DDR2: variants seen among roughly 807,000 people sequenced by gnomAD.
The protein encoded by DDR2 is discoidin domain-containing receptor 2.
In DDR2, 27 loss-of-function variants were observed where a neutral mutation model predicts 94.9. The observed-to-expected ratio is 0.28, with a 90% CI of 0.21 to 0.39. The LOEUF is 0.39. Among genes scored for constraint, DDR2 ranks in the 10% least tolerant of loss-of-function variants. The pLI, the probability that DDR2 is intolerant of heterozygous loss-of-function variation, is 1.00. For synonymous variants in DDR2, 382 were observed against 377.2 expected (o/e 1.01, Z -0.15); for missense variants, 783 against 1,076.0 (o/e 0.73, Z 3.81).
intron 2 of DDR2, among the ~76,000 whole-genome samples, chr1:162,664,083 G>A (rs1658431027): frequency 6.6e-6 from 1 of 152,072 alleles, no homozygotes; most frequent in Non-Finnish European, 1.5e-5. Context: ...ATAGGAGAAA[G>A]CAACAGTGCA....
At chr1:162,631,982 G>A (rs1436568284), upstream of DDR2, 2 of 152,022 alleles carry the variant, frequency 1.3e-5, no homozygotes, top group Non-Finnish European at 2.9e-5. Context: ...CTCAGCTCTA[G>A]GCTTTCATGG....
chr1:162,638,712 A>G (rs888289488), intron 1 of DDR2, among the ~76,000 whole-genome samples: 7 of 152,086 alleles, frequency 4.6e-5, no homozygotes, highest in African/African-American at 1.4e-4. Context: ...TTCAGGATGA[A>G]CCCTCTTGAG....
chr1:162,679,793 A>G (rs1659315523), intron 2 of DDR2, among the ~76,000 whole-genome samples: 1 of 151,748 alleles, frequency 6.6e-6, no homozygotes, highest in South Asian at 2.1e-4. Flanking sequence ...CCTTGCCAAC[A>G]TCTGTTTTGT....
chr1:162,736,255 G>C (rs1482053655), intron 3 of DDR2, among the ~76,000 whole-genome samples: 1 of 152,184 alleles, frequency 6.6e-6, no homozygotes, highest in Non-Finnish European at 1.5e-5. Context: ...TTGGTCCATG[G>C]ACTGGCTTTG....
At chr1:162,695,460 A>G (rs1660146158) in intron 2 of DDR2, among the ~76,000 whole-genome samples, 1 of 152,062 alleles carries the variant, frequency 6.6e-6, no homozygotes, top group Non-Finnish European at 1.5e-5. Context: ...CAAACTTCTG[A>G]GCTCAAGTTA....
At chr1:162,691,515 T>C (rs1420849540) in intron 2 of DDR2, among the ~76,000 whole-genome samples, 1 of 152,278 alleles carries the variant, frequency 6.6e-6, no homozygotes, top group East Asian at 1.9e-4. Flanking sequence ...TGTGAAAAAA[T>C]GCAATTTAAT....
chr1:162,747,500 T>A (rs1662941067), intron 3 of DDR2, among the ~76,000 whole-genome samples: 1 of 151,942 alleles, frequency 6.6e-6, no homozygotes, highest in African/African-American at 2.4e-5. Flanking sequence ...TGAGACTGTG[T>A]GAAAAGATCA....
intron 2 of DDR2, among the ~76,000 whole-genome samples, chr1:162,690,259 C>A (rs1659906570): frequency 1.3e-5 from 2 of 152,108 alleles, no homozygotes; most frequent in Non-Finnish European, 2.9e-5. Context: ...AGTCACAAAG[C>A]TAGCAGGTGG....
chr1:162,778,479 C>CT, intron 16 of DDR2, 101 bp from the exon 17 acceptor site: 1 of 1,434,772 alleles, frequency 7.0e-7, no homozygotes, highest in Non-Finnish European at 9.8e-7. Flanking sequence ...AATTCCTTGC[C>CT]TGTGGTGGGG....
chr1:162,762,513 T>A (rs1023724981), intron 9 of DDR2, among the ~76,000 whole-genome samples: 1 of 152,240 alleles, frequency 6.6e-6, no homozygotes, highest in East Asian at 1.9e-4. Flanking sequence ...ATAACCACTG[T>A]CTGAATTATT....
In DDR2 at chr1:162,761,331, G is replaced by A. The variant is rs2102155545; in HGVS notation, c.976G>A (p.Asp326Asn). 2 of 1,614,188 alleles carry A rather than the reference G, an allele frequency of 1.2e-6. No individual in the cohort carries two copies. The highest frequency in any genetic ancestry group is 8.5e-7 in the Non-Finnish European group (1 of 1,180,030). ...CATTTCCTTCCCCCTTGTCCTGGATGACGTCAACCCCAGTGCTCGGTTTGT... is the reference window on the plus strand; with the variant it reads ...CATTTCCTTCCCCCTTGTCCTGGATAACGTCAACCCCAGTGCTCGGTTTGT... Reference protein sequence around the residue: ...NAISFPLVLDDVNPSARFVTV... With the variant: ...NAISFPLVLDNVNPSARFVTV... The change falls in exon 9 of 18, where the codon GAC becomes AAC. Residue 326 changes from aspartate (D) to asparagine (N), a missense_variant. Coordinates refer to ENST00000367921, the MANE Select transcript of DDR2 (RefSeq NM_006182.4).
Position 162,784,658 on chromosome 1 carries a change from TG to T in DDR2, c.*4414del, listed in dbSNP as rs2102219231. On this transcript the variant is annotated 3_prime_UTR_variant, in exon 18 of 18. Coordinates refer to ENST00000367921, the MANE Select transcript of DDR2 (RefSeq NM_006182.4). ...TTCTGCTACAATTAGCTGCATTACT[TG>T]GTGCCAAAGAGCAGTGGGGAATTGT... 6.6e-6 allele frequency: 1 copy of T among 152,330 alleles called. No individual in the cohort carries two copies. The highest frequency in any genetic ancestry group is 1.9e-4 in the East Asian group (1 of 5,186). 9.4% of individuals were successfully genotyped at this position (152,330 alleles called of 1,614,324 possible). A position where few individuals can be genotyped will look rare whatever the true frequency, so the allele number is the denominator to read the frequency against.
chr1:162,707,720 T>G (rs1477975003), intron 2 of DDR2, among the ~76,000 whole-genome samples: 1 of 152,234 alleles, frequency 6.6e-6, no homozygotes, highest in African/African-American at 2.4e-5. Context: ...CAATAGATGC[T>G]AAACATACGA....
At chr1:162,662,160 A>G (rs1380281359) in intron 2 of DDR2, among the ~76,000 whole-genome samples, 1 of 152,218 alleles carries the variant, frequency 6.6e-6, no homozygotes, top group South Asian at 2.1e-4. Flanking sequence ...ATTTGGGCTG[A>G]TATTTTAGAC....
At chr1:162,750,236 A>C (rs1663114810) in intron 3 of DDR2, among the ~76,000 whole-genome samples, 1 of 152,326 alleles carries the variant, frequency 6.6e-6, no homozygotes, top group East Asian at 1.9e-4. Context: ...TTGTATATTT[A>C]GAAAACCCCA....
Position 162,776,142 on chromosome 1 carries a change from C to A in DDR2, c.2055C>A (p.Thr685=). ...TTCTTGTCTATTTCCTCAGTTACAC[C>A]AATCTGAAGTTTATGGCTACCCAAA... ...SSSDVRTVSY[T]NLKFMATQIA... is the part of the protein sequence containing the mutation. Residue 685 remains threonine (T), a synonymous_variant, in exon 16 of 18, where the codon ACC becomes ACA. Coordinates refer to ENST00000367921, the MANE Select transcript of DDR2 (RefSeq NM_006182.4). 1 of 1,613,040 alleles carries A rather than the reference C, an allele frequency of 6.2e-7. No individual in the cohort carries two copies. The highest frequency in any genetic ancestry group is 8.5e-7 in the Non-Finnish European group (1 of 1,179,320).
intron 9 of DDR2, among the ~76,000 whole-genome samples, chr1:162,763,175 TA>T (rs1343143324): frequency 6.6e-6 from 1 of 150,992 alleles, no homozygotes; most frequent in African/African-American, 2.4e-5. Flanking sequence ...TGTCTTTGAC[TA>T]GAGTTTGCAT....
rs548856611 is a variant in DDR2 at position 162,719,414 on chromosome 1, G to T, written c.82+269G>T. Among the ~76,000 whole-genome samples, 203 of 152,250 alleles carry T rather than the reference G, an allele frequency of 1.3e-3. 1 individual carries two copies. The highest frequency in any genetic ancestry group is 2.1e-3 in the Non-Finnish European group (140 of 68,000). On this transcript the variant is annotated intron_variant, in intron 3 of 17. Transcript: ENST00000367921. ...GAGGGCATTTTAAAAAATGGGAGGT[G>T]GCAGAAGCAACCATTTGCTTCTGCA...
intron 16 of DDR2, chr1:162,777,844 T>C (rs1647669027): frequency 6.6e-6 from 1 of 152,470 alleles, no homozygotes; most frequent in Non-Finnish European, 1.5e-5. Flanking sequence ...AAGTCTGGCA[T>C]TAATATGGTC....
Sources: allele counts gnomAD v4.1 joint callset (sites outside exome capture counted in the v4.1 genomes callset), GRCh38; gene constraint gnomAD v4.1.1; transcripts MANE v1.5; gene names NCBI Gene and HGNC (gene_info 2026-07-23, HGNC 2026-07-21).